The following CACNB2 variants were observed in gnomAD, a reference collection of about 807,000 sequenced individuals.
CACNB2 encodes the protein voltage-dependent L-type calcium channel subunit beta-2.
In CACNB2, 42 loss-of-function variants were observed where a neutral mutation model predicts 73.3. The ratio of observed to expected loss-of-function variants is 0.57; its 90% CI spans 0.45 to 0.74. The LOEUF is 0.74. Among genes scored for constraint, CACNB2 ranks in the 30% least tolerant of loss-of-function variants. The pLI, the probability that CACNB2 is intolerant of heterozygous loss-of-function variation, is 0.00. For synonymous variants in CACNB2, 348 were observed against 310.3 expected (o/e 1.12, Z -1.28); for missense variants, 940 against 853.0 (o/e 1.10, Z -1.27).
At chr10:18,190,783 T>C (rs1266414860) in intron 2 of CACNB2, among the ~76,000 whole-genome samples, 3 of 152,246 alleles carry the variant, frequency 2.0e-5, no homozygotes, top group African/African-American at 7.2e-5. Flanking sequence ...GGGGAAACTA[T>C]TTCAAGCAGC....
chr10:18,522,148 T>C (rs892540534), intron 9 of CACNB2, among the ~76,000 whole-genome samples: 1 of 152,102 alleles, frequency 6.6e-6, no homozygotes, highest in Non-Finnish European at 1.5e-5. Context: ...GTCTAATGCC[T>C]GGTGTTCTTT....
intron 2 of CACNB2, among the ~76,000 whole-genome samples, chr10:18,188,492 A>C (rs988797950): frequency 8.6e-5 from 13 of 151,986 alleles, no homozygotes; most frequent in Non-Finnish European, 1.6e-4. Flanking sequence ...TTTTATAGAG[A>C]CAGGGTCTTA....
chr10:18,534,198 A>G lies in CACNB2; in HGVS notation c.1177A>G (p.Ile393Val). ...QLSKTSLAPIIVYVKISSPKV... is the reference protein window; with the variant it reads ...QLSKTSLAPIVVYVKISSPKV... The stretch of plus-strand genomic sequence containing the variant: ...CAGTAAAACCTCCTTGGCCCCTATT[A>G]TAGTATATGTAAAGATTTCTTCTCC... The change falls in exon 11 of 14, where the codon ATA (isoleucine) becomes GTA (valine). Residue 393 changes from isoleucine (I) to valine (V), a missense_variant. Transcript: ENST00000324631. 1 of 1,613,440 alleles carries G rather than the reference A, an allele frequency of 6.2e-7. No homozygotes were observed.
At chr10:18,398,700 C>A (rs2132508672) in intron 2 of CACNB2, among the ~76,000 whole-genome samples, 1 of 145,458 alleles carries the variant, frequency 6.9e-6, no homozygotes, top group Non-Finnish European at 1.5e-5. Flanking sequence ...CATACACACA[C>A]ACACACACAC....
At chr10:18,249,349 T>C (rs957828646) in intron 2 of CACNB2, among the ~76,000 whole-genome samples, 1 of 152,208 alleles carries the variant, frequency 6.6e-6, no homozygotes, top group Middle Eastern at 3.2e-3. Context: ...TTGAAGTGTC[T>C]TTTGTTTTTC....
chr10:18,173,437 CGGTGG>C (rs2033384066), intron 2 of CACNB2, among the ~76,000 whole-genome samples: 6 of 152,118 alleles, frequency 3.9e-5, no homozygotes, highest in Non-Finnish European at 7.3e-5. Flanking sequence ...ACATCCAGGC[CGGTGG>C]CTTATGTTAG....
chr10:18,214,984 T>C (rs901003664), intron 2 of CACNB2, among the ~76,000 whole-genome samples: 1 of 152,286 alleles, frequency 6.6e-6, no homozygotes, highest in Middle Eastern at 3.4e-3. Flanking sequence ...ATACGAATTA[T>C]TTACATGGAT....
At chr10:18,185,588 T>C (rs1415733838) in intron 2 of CACNB2, among the ~76,000 whole-genome samples, 1 of 152,214 alleles carries the variant, frequency 6.6e-6, no homozygotes, top group Non-Finnish European at 1.5e-5. Context: ...TGTTTTTATA[T>C]ACTAACTGAA....
chr10:18,436,801 C>T lies in CACNB2; in HGVS notation c.333+34758C>T, dbSNP rs76998416. 3.1e-3 allele frequency among the ~76,000 whole-genome samples: 466 copies of T among 152,166 alleles called. 4 individuals are homozygous for T. Among genetic ancestry groups the T allele is most frequent in the Non-Finnish European group, 5.0e-3 (341 of 68,000 alleles). ...TTAGAGAATATGCAAAAATAAATGT[C>T]CAGAAATAAAAATTTGCCAAAGATT... is the stretch of plus-strand genomic sequence containing the variant. On this transcript the variant is annotated intron_variant, in intron 3 of 13. Coordinates refer to ENST00000324631, the MANE Select transcript of CACNB2 (RefSeq NM_201596.3).
At chr10:18,169,876 A>G (rs768051514) in intron 2 of CACNB2, among the ~76,000 whole-genome samples, 1 of 152,252 alleles carries the variant, frequency 6.6e-6, no homozygotes, top group Non-Finnish European at 1.5e-5. Flanking sequence ...AAGGACATTT[A>G]TGGACTCATG....
intron 2 of CACNB2, among the ~76,000 whole-genome samples, chr10:18,318,526 A>G (rs1377722303): frequency 6.6e-6 from 1 of 152,062 alleles, no homozygotes; most frequent in African/African-American, 2.4e-5. Flanking sequence ...AAAATCCTAC[A>G]AGAAAACCTA....
At chr10:18,340,810 C>A in intron 2 of CACNB2, 1 of 1,604,622 alleles carries the variant, frequency 6.2e-7, no homozygotes, top group Non-Finnish European at 8.5e-7. Context: ...AAAAGGAAAG[C>A]AGTTGCTATG....
At chr10:18,288,738 CTT>C (rs1256466300) in intron 2 of CACNB2, among the ~76,000 whole-genome samples, 1 of 143,682 alleles carries the variant, frequency 7.0e-6, no homozygotes, top group Middle Eastern at 3.6e-3. Context: ...TCAAGGCACT[CTT>C]TTATTTAAAA....
intron 3 of CACNB2, among the ~76,000 whole-genome samples, chr10:18,465,203 A>C (rs1185066097): frequency 6.6e-6 from 1 of 152,120 alleles, no homozygotes; most frequent in African/African-American, 2.4e-5. Flanking sequence ...GGTGATGCAC[A>C]CCTGTAGTCC....
chr10:18,388,330 C>T (rs1038905992), intron 2 of CACNB2, among the ~76,000 whole-genome samples: 1 of 152,172 alleles, frequency 6.6e-6, no homozygotes, highest in Non-Finnish European at 1.5e-5. Flanking sequence ...ATCTGTGGCA[C>T]ATTTCCAGCT....
chr10:18,340,891 T>G (rs2041205579), intron 2 of CACNB2: 1 of 1,614,038 alleles, frequency 6.2e-7, no homozygotes, highest in Non-Finnish European at 8.5e-7. Flanking sequence ...AGAAAATTCC[T>G]GCTGGAGTGC....
In CACNB2 at chr10:18,540,581, A is replaced by T. The variant is rs898352846; in HGVS notation, c.*857A>T. ...TGTAAGTAAGTTTGTAATTTCCACCATAAATTATGGTAAATATAAAACTCC... is the reference window on the plus strand; with the variant it reads ...TGTAAGTAAGTTTGTAATTTCCACCTTAAATTATGGTAAATATAAAACTCC... On this transcript the variant is annotated 3_prime_UTR_variant, in exon 14 of 14. Transcript: ENST00000324631. 8.5e-5 allele frequency: 13 copies of T among 152,624 alleles called. No individual in the cohort carries two copies. Among genetic ancestry groups the T allele is most frequent in the African/African-American group, 3.1e-4 (13 of 41,436 alleles). 9.5% of individuals were successfully genotyped at this position (152,624 alleles called of 1,614,324 possible).
At position 18,509,423 on chromosome 10, in the gene CACNB2, G is replaced by A. The variant is rs550493834; in HGVS notation, c.670+2876G>A. Among the ~76,000 whole-genome samples the A allele has an allele frequency of 2.6e-5, 4 of 152,094 alleles. No individual in the cohort carries two copies. In the South Asian group the frequency reaches 6.2e-4, roughly 24 times the overall value. ...TAGCCAGTTGCAGAATACATACATC[G>A]CACCCACACACACGTGTGTACATAT... On this transcript the variant is annotated intron_variant, in intron 6 of 13. Coordinates refer to ENST00000324631, the MANE Select transcript of CACNB2 (RefSeq NM_201596.3).
chr10:18,295,414 A>G (rs780611316), intron 2 of CACNB2, among the ~76,000 whole-genome samples: 1 of 152,244 alleles, frequency 6.6e-6, no homozygotes, highest in Non-Finnish European at 1.5e-5. Flanking sequence ...CCTTGGCAAT[A>G]CAAAAATAAT....
Sources: gnomAD v4.1 joint callset for allele counts (sites outside exome capture counted in the v4.1 genomes callset) on GRCh38, gnomAD v4.1.1 for gene constraint, MANE v1.5 for transcripts, NCBI Gene and HGNC (gene_info 2026-07-23, HGNC 2026-07-21) for gene names.